Variants in GLA observed in about 807,000 individuals in gnomAD.
The protein encoded by GLA is alpha-galactosidase A.
GLA carries 4 observed loss-of-function variants against 28.2 expected under a neutral mutation model. The ratio of observed to expected loss-of-function variants is 0.14; its 90% CI spans 0.07 to 0.32. The LOEUF (loss-of-function observed/expected upper bound fraction) is 0.32. Among genes scored for constraint, GLA ranks in the 10% least tolerant of loss-of-function variants. The probability of loss-of-function intolerance (pLI) is 1.00; values close to 1 mark genes in which losing one functional copy is unlikely to be tolerated. For synonymous variants in GLA, 94 were observed against 113.0 expected (o/e 0.83, Z 1.07); for missense variants, 203 against 323.7 (o/e 0.63, Z 2.86).
chrX:101,406,207 G>T (rs1193421769), intron 1 of GLA, among the ~76,000 whole-genome samples: 2 of 80,392 alleles, frequency 2.5e-5, no homozygotes, highest in Non-Finnish European at 2.3e-5. Flanking sequence ...GCGAGACCCC[G>T]TCTCAAAAAA....
At chrX:101,403,005 C>T (rs1215837960) in intron 2 of GLA, among the ~76,000 whole-genome samples, 2 of 110,298 alleles carry the variant, frequency 1.8e-5, no homozygotes, top group Admixed American at 1.9e-4. Flanking sequence ...AGAGCTATTA[C>T]AAAACATTTG....
rs1555986347 is a variant in GLA, at chrX:101,403,992, G to C, written c.195-7C>G. 8.4e-7 allele frequency: 1 copy of C among 1,197,153 alleles called. No homozygotes were observed. Among genetic ancestry groups the C allele is most frequent in the Non-Finnish European group, 1.1e-6 (1 of 882,448 alleles). On this transcript the variant is annotated splice_region_variant and splice_polypyrimidine_tract_variant and intron_variant, in intron 1 of 6. Coordinates refer to ENST00000218516, the MANE Select transcript of GLA (RefSeq NM_000169.3). ...CTCCATGAAGAGCTTCTCACTGAAAGAGAAATTCCAATAATCATTACAATT... is the reference window on the plus strand; with the variant it reads ...CTCCATGAAGAGCTTCTCACTGAAACAGAAATTCCAATAATCATTACAATT...
rs869312286 is a variant in GLA, at chrX:101,401,826, GAA to G, written c.370-19_370-18del. On this transcript the variant is annotated intron_variant, in intron 2 of 6. Transcript: ENST00000218516. ...GCTGTGAACCTGAAATGAGAGGGAGGAAAAGAGTCACCATTGTAGAAGCACAA... is the reference window on the plus strand; with the variant it reads ...GCTGTGAACCTGAAATGAGAGGGAGGAAGAGTCACCATTGTAGAAGCACAA... 8.4e-7 allele frequency: 1 copy of G among 1,189,866 alleles called. No homozygotes were observed.
rs782032720 is a variant in GLA, at chrX:101,398,535, A to G, written c.834T>C (p.Asn278=). 4 of 1,208,988 alleles carry G rather than the reference A, an allele frequency of 3.3e-6. No homozygotes were observed. The South Asian group carries it at 7.0e-5, about 21-fold the overall frequency. Reference sequence around the variant, plus strand: ...AGAGGGCCATCTGAGTTACTTGCTGATTCCAGCTGAGGCCAAAGTTGCCAA... The same window carrying G: ...AGAGGGCCATCTGAGTTACTTGCTGGTTCCAGCTGAGGCCAAAGTTGCCAA... ...LVIGNFGLSW[N]QQVTQMALWA... Residue 278 remains asparagine, a synonymous_variant, in exon 6 of 7, where the codon AAT becomes AAC. Coordinates refer to ENST00000218516, the MANE Select transcript of GLA (RefSeq NM_000169.3).
At chrX:101,407,601 G>C in intron 1 of GLA, 109 bp downstream of exon 1, 2 of 717,578 alleles carry the variant, frequency 2.8e-6, no homozygotes, top group Non-Finnish European at 4.5e-6. Flanking sequence ...AGAGTCGGGT[G>C]GGGGAGCTCT....
chrX:101,404,268 A>G (rs1043801400), intron 1 of GLA, among the ~76,000 whole-genome samples: 1 of 112,293 alleles, frequency 8.9e-6, no homozygotes, highest in African/African-American at 3.2e-5. Context: ...CAGTAAAGTC[A>G]GAAACTACAA....
chrX:101,398,636 A>G (rs869312424), intron 5 of GLA, 69 bp from the exon 6 acceptor site: 22 of 1,036,054 alleles, frequency 2.1e-5, no homozygotes, highest in Middle Eastern at 5.2e-4. Context: ...TAGATGACCC[A>G]TATGGAGAAA....
At chrX:101,400,253 C>A (rs1928258349) in intron 4 of GLA, among the ~76,000 whole-genome samples, 1 of 110,574 alleles carries the variant, frequency 9.0e-6, no homozygotes, top group Non-Finnish European at 1.9e-5. Context: ...TATGATAACT[C>A]TAGTGCTGCT....
At chrX:101,403,390 T>C (rs1928386484) in intron 2 of GLA, among the ~76,000 whole-genome samples, 1 of 110,724 alleles carries the variant, frequency 9.0e-6, no homozygotes, top group Admixed American at 9.6e-5. Flanking sequence ...CAGCCAGCTA[T>C]TCTACTTTCT....
At chrX:101,403,667 G>C (rs1048660700) in intron 2 of GLA, 144 bp downstream of exon 2, 25 of 541,123 alleles carry the variant, frequency 4.6e-5, no homozygotes, top group Non-Finnish European at 7.2e-5. Flanking sequence ...GACCTCAGGT[G>C]ATCCACCCGC....
intron 1 of GLA, among the ~76,000 whole-genome samples, chrX:101,405,355 C>G (rs1928469466): frequency 9.0e-6 from 1 of 111,418 alleles, no homozygotes; most frequent in Non-Finnish European, 1.9e-5. Context: ...TCCTTCCAGC[C>G]ATCTGATACC....
At chrX:101,405,524 A>C (rs1201996991) in intron 1 of GLA, among the ~76,000 whole-genome samples, 6 of 112,147 alleles carry the variant, frequency 5.4e-5, no homozygotes, top group Non-Finnish European at 7.5e-5. Context: ...GCATGACCCC[A>C]AAGTCAGAAA....
rs781967285 is a variant in GLA at position 101,403,850 on chromosome X, A to C, written c.330T>G (p.Pro110=). The part of the protein sequence containing the change: ...RDSEGRLQAD[P]QRFPHGIRQL... ...GGCGAATCCCATGAGGAAAGCGCTG[A>C]GGGTCTGCCTGAAGTCTGCCTTCTG... is the stretch of plus-strand genomic sequence containing the variant. Residue 110 remains proline (P), a synonymous_variant, in exon 2 of 7, where the codon CCT becomes CCG. Coordinates refer to ENST00000218516, the MANE Select transcript of GLA (RefSeq NM_000169.3). 2.5e-6 allele frequency: 3 copies of C among 1,211,790 alleles called. No individual in the cohort carries two copies. Among genetic ancestry groups the C allele is most frequent in the South Asian group, 1.8e-5 (1 of 57,046 alleles).
At chrX:101,404,484 A>G (rs984216814) in intron 1 of GLA, among the ~76,000 whole-genome samples, 1 of 111,670 alleles carries the variant, frequency 9.0e-6, no homozygotes, top group Non-Finnish European at 1.9e-5. Flanking sequence ...AATATTAAAA[A>G]TAAGTTAATT....
intron 3 of GLA, chrX:101,401,387 C>A: frequency 2.4e-6 from 1 of 418,354 alleles, no homozygotes; most frequent in Non-Finnish European, 4.2e-6. Flanking sequence ...CTAATTAACT[C>A]TTAGAGCCCT....
intron 6 of GLA, 49 bp from the exon 7 acceptor site, chrX:101,398,148 C>T (rs1569302818): frequency 5.4e-6 from 6 of 1,104,666 alleles, no homozygotes; most frequent in Non-Finnish European, 7.5e-6. Flanking sequence ...GATAAGTGGC[C>T]CTGTTAGTTT....
chrX:101,400,889 G>A, intron 3 of GLA, 132 bp from the exon 4 acceptor site: 1 of 358,676 alleles, frequency 2.8e-6, no homozygotes, highest in Non-Finnish European at 4.9e-6. Context: ...AGGGTGGAGT[G>A]CAGTGGTGCG....
At position 101,407,489 on chromosome X, in the gene GLA, AG is replaced by A. The variant is rs781857629; in HGVS notation, c.194+220del. On this transcript the variant is annotated intron_variant, in intron 1 of 6. Transcript: ENST00000218516. ...GAGAGAGAGAGAGAGAGAAAGAAAC[AG>A]GGGCCGCTGGCCGGACTCCCATCCC... Among the ~76,000 whole-genome samples the A allele has an allele frequency of 3.6e-5, 4 of 111,459 alleles. No individual in the cohort carries two copies. The East Asian group carries it at 1.1e-3, about 32-fold the overall frequency.
chrX:101,400,046 G>A (rs1233573941), intron 4 of GLA, among the ~76,000 whole-genome samples: 3 of 111,224 alleles, frequency 2.7e-5, no homozygotes, highest in African/African-American at 9.8e-5. Context: ...GTGTAGCCAG[G>A]GAAAGAGCCA....
Sources: gnomAD v4.1 joint callset for allele counts (sites outside exome capture counted in the v4.1 genomes callset) on GRCh38, gnomAD v4.1.1 for gene constraint, MANE v1.5 for transcripts, NCBI Gene and HGNC (gene_info 2026-07-23, HGNC 2026-07-21) for gene names.